The following KCNN1 variants were observed in gnomAD, a reference collection of about 807,000 sequenced individuals.
The protein encoded by KCNN1 is potassium calcium-activated channel subfamily N member 1.
Under a neutral mutation model 44.7 loss-of-function variants are expected in KCNN1, and 20 were observed. The observed-to-expected ratio is 0.45, with a 90% confidence interval of 0.32 to 0.65. The LOEUF is 0.65. KCNN1 is among the 30% of genes least tolerant of loss of function. KCNN1 has a pLI of 0.05. For synonymous variants in KCNN1, 324 were observed against 341.7 expected, an observed-to-expected ratio of 0.95 and a Z score of 0.57; for missense variants, 632 against 785.3, an observed-to-expected ratio of 0.80 and a Z score of 2.33.
Position 17,974,378 on chromosome 19 carries a change from C to T in KCNN1, c.402+88C>T, listed in dbSNP as rs2032135469. The T allele has an allele frequency of 1.4e-6, 2 of 1,414,688 alleles. No homozygotes were observed. Among genetic ancestry groups the T allele is most frequent in the East Asian group, 2.4e-5 (1 of 40,856 alleles). The allele number at this position is 1,414,688 out of a possible 1,614,324, so 87.6% of individuals were successfully genotyped here. On this transcript the variant is annotated intron_variant, in intron 2 of 9. Transcript: ENST00000684775. This position sits in a 1 kb window ranked among gnomAD's most constrained non-coding sequence, Gnocchi z 7.3. ...ACATGGGGTTGGGGGTGGCAGGGCC[C>T]CCCGGGAGATAGGGAGTGTTAGGGG...
At chr19:17,960,742 G>C (rs1253074281) in intron 2 of KCNN1, among the ~76,000 whole-genome samples, 3 of 152,164 alleles carry the variant, frequency 2.0e-5, no homozygotes, top group Non-Finnish European at 2.9e-5. Flanking sequence ...CCCTCCGGAG[G>C]CTCTCAGGAG....
In KCNN1 at chr19:17,974,294, G is replaced by C. The variant is rs771588424; in HGVS notation, c.402+4G>C. On this transcript the variant is annotated splice_donor_region_variant and intron_variant, in intron 2 of 9. Transcript: ENST00000684775. This position sits in a 1 kb window ranked among gnomAD's most constrained non-coding sequence, Gnocchi z 7.3. The stretch of plus-strand genomic sequence containing the variant: ...GTCCTGGGGGGTGTACACCAAGGTA[G>C]GCGTGGTCCTCCCCCAGGCACTCCA... 10 of 1,551,974 alleles carry C rather than the reference G, an allele frequency of 6.4e-6. No individual in the cohort carries two copies. Among genetic ancestry groups the C allele is most frequent in the Non-Finnish European group, 8.7e-6 (10 of 1,146,722 alleles).
At chr19:17,986,521 G>A (rs1051686834) in intron 5 of KCNN1, among the ~76,000 whole-genome samples, 2 of 152,148 alleles carry the variant, frequency 1.3e-5, no homozygotes, top group African/African-American at 4.8e-5. Context: ...TGCCGTGGGT[G>A]CCTGTGAACA....
chr19:17,992,853 GC>G (rs35585934), intron 7 of KCNN1, among the ~76,000 whole-genome samples, 200 bp from the exon 8 acceptor site: 1 of 152,178 alleles, frequency 6.6e-6, no homozygotes, highest in Non-Finnish European at 1.5e-5. Flanking sequence ...GGACAGGTGT[GC>G]CCCTGAGGGG....
In KCNN1 at chr19:17,993,101, C is replaced by T. The variant is rs765317333; in HGVS notation, c.1307+39C>T. 1.5e-5 allele frequency: 24 copies of T among 1,612,844 alleles called. No individual in the cohort carries two copies. The highest frequency in any genetic ancestry group is 6.7e-5 in the African/African-American group (5 of 74,878). On this transcript the variant is annotated intron_variant, in intron 8 of 9. Coordinates refer to ENST00000684775, the MANE Select transcript of KCNN1 (RefSeq NM_001386974.1). This position sits in a 1 kb window ranked among gnomAD's most constrained non-coding sequence, Gnocchi z 4.5. ...CAGGGGCTTGGTGGGGCTGGGAAAT[C>T]GGGGGTGCATGGTGGTCACAGACAG... is the stretch of plus-strand genomic sequence containing the variant.
intron 1 of KCNN1, among the ~76,000 whole-genome samples, chr19:17,970,124 A>G (rs1318411784): frequency 6.6e-6 from 1 of 151,204 alleles, no homozygotes; most frequent in Non-Finnish European, 1.5e-5. Context: ...ACATGAGGCT[A>G]GGTCTCATAA....
At chr19:17,987,876 C>T (rs2032653616) in intron 5 of KCNN1, among the ~76,000 whole-genome samples, 1 of 149,544 alleles carries the variant, frequency 6.7e-6, no homozygotes, top group African/African-American at 2.5e-5. Context: ...GGCGCAGTGG[C>T]TTACACCTGT....
At chr19:17,987,556 C>T (rs1403534009) in intron 5 of KCNN1, among the ~76,000 whole-genome samples, 3 of 152,140 alleles carry the variant, frequency 2.0e-5, no homozygotes, top group African/African-American at 7.2e-5. Context: ...CACTCTGTCC[C>T]AGTTGACAGG....
At chr19:17,978,458 C>T (rs1187927629) in intron 3 of KCNN1, among the ~76,000 whole-genome samples, 226 of 124,912 alleles carry the variant, frequency 1.8e-3, no homozygotes, top group African/African-American at 6.6e-3. Flanking sequence ...CACAGGATCT[C>T]GTTCTGTCGC....
chr19:17,956,615 G>A (rs559323777), intron 2 of KCNN1, among the ~76,000 whole-genome samples: 12 of 151,806 alleles, frequency 7.9e-5, no homozygotes, highest in African/African-American at 2.7e-4. Flanking sequence ...GTGGGGTGGT[G>A]CATGTGTGTG....
At chr19:17,985,849 C>A (rs913097758) in intron 5 of KCNN1, among the ~76,000 whole-genome samples, 4 of 152,204 alleles carry the variant, frequency 2.6e-5, no homozygotes, top group African/African-American at 9.7e-5. Flanking sequence ...TCAGCTGTGA[C>A]CAGCGCTACT....
At chr19:17,976,175 C>T (rs1046153254) in intron 3 of KCNN1, among the ~76,000 whole-genome samples, 29 of 151,938 alleles carry the variant, frequency 1.9e-4, no homozygotes, top group Admixed American at 1.8e-3. Context: ...GGCATGATAT[C>T]GGGTGCACGT....
chr19:17,968,426 G>C (rs116500852), intron 1 of KCNN1, among the ~76,000 whole-genome samples: 16 of 151,900 alleles, frequency 1.1e-4, no homozygotes, highest in South Asian at 6.2e-4. Context: ...GTGGGGGGGT[G>C]GGGGGGAGGC....
chr19:17,986,514 C>T (rs1050434482), intron 5 of KCNN1, among the ~76,000 whole-genome samples: 2 of 152,190 alleles, frequency 1.3e-5, no homozygotes, highest in East Asian at 1.9e-4. Context: ...TCAAGTCTGC[C>T]GTGGGTGCCT....
In KCNN1 at chr19:17,993,839, G is replaced by C. The variant is rs1054628897; in HGVS notation, c.1377+280G>C. 6.6e-6 allele frequency among the ~76,000 whole-genome samples: 1 copy of C among 152,140 alleles called. No individual in the cohort carries two copies. The highest frequency in any genetic ancestry group is 1.5e-5 in the Non-Finnish European group (1 of 68,022). On this transcript the variant is annotated intron_variant, in intron 9 of 9. Coordinates refer to ENST00000684775, the MANE Select transcript of KCNN1 (RefSeq NM_001386974.1). This position sits in a 1 kb window ranked among gnomAD's most constrained non-coding sequence, Gnocchi z 4.5. ...GGAGGAGAATCGCTTGAACTTGGGGGGTTGAGGCTGCAGTGAGCCGAGATG... is the reference window on the plus strand; with the variant it reads ...GGAGGAGAATCGCTTGAACTTGGGGCGTTGAGGCTGCAGTGAGCCGAGATG...
In KCNN1 at chr19:17,999,962, G is replaced by A. The variant is rs538513678; in HGVS notation, c.*1556G>A. ...ACTCTGAGCAGTGGCTGCCCCTCTGGGGCCTTGGTTGTTTCATCTGTAAAA... is the reference window on the plus strand; with the variant it reads ...ACTCTGAGCAGTGGCTGCCCCTCTGAGGCCTTGGTTGTTTCATCTGTAAAA... On this transcript the variant is annotated 3_prime_UTR_variant, in exon 10 of 10. Coordinates refer to ENST00000684775, the MANE Select transcript of KCNN1 (RefSeq NM_001386974.1). 9 of 455,934 alleles carry A rather than the reference G, an allele frequency of 2.0e-5. No individual in the cohort carries two copies. Among genetic ancestry groups the A allele is most frequent in the Non-Finnish European group, 4.0e-5 (9 of 226,758 alleles). The allele number at this position is 455,934 out of a possible 1,614,324, so 28.2% of individuals were successfully genotyped here. A position where few individuals can be genotyped will look rare whatever the true frequency, so the allele number is the denominator to read the frequency against.
intron 1 of KCNN1, among the ~76,000 whole-genome samples, chr19:17,952,655 G>T (rs1372445178): frequency 2.0e-5 from 3 of 152,134 alleles, no homozygotes; most frequent in Admixed American, 2.0e-4. Flanking sequence ...GTGGTGGGGG[G>T]AAAGCACCGC....
At chr19:17,980,919 A>G (rs1403103898) in intron 3 of KCNN1, among the ~76,000 whole-genome samples, 1 of 151,990 alleles carries the variant, frequency 6.6e-6, no homozygotes, top group Non-Finnish European at 1.5e-5. Flanking sequence ...AAAAGGAAAA[A>G]GAAAAGAAAA....
At chr19:17,990,804 AAAAAAAAAAAGAAAG>A (rs1194754362) in intron 7 of KCNN1, among the ~76,000 whole-genome samples, 1 of 151,412 alleles carries the variant, frequency 6.6e-6, no homozygotes, top group African/African-American at 2.4e-5. Flanking sequence ...TGTCTCAAAA[AAAAAAAAAAAGAAAG>A]AAAAAGAAAA....
Sources: gnomAD v4.1 joint callset for allele counts (sites outside exome capture counted in the v4.1 genomes callset) on GRCh38, gnomAD v4.1.1 for gene constraint, Gnocchi (gnomAD v3.1) non-coding constraint, MANE v1.5 for transcripts, NCBI Gene and HGNC (gene_info 2026-07-23, HGNC 2026-07-21) for gene names.